LRRIQ1: variants seen among roughly 807,000 people sequenced by gnomAD.
LRRIQ1 encodes the protein leucine rich repeats and IQ motif containing 1, also known as leucine-rich repeat- and IQ domain-containing protein 1.
LRRIQ1 carries 210 observed loss-of-function variants against 211.9 expected under a neutral mutation model. That is an observed-to-expected ratio of 0.99 (90% CI 0.89 to 1.11). The LOEUF (loss-of-function observed/expected upper bound fraction) is 1.11, where lower values mean the gene tolerates loss of function less well. Among genes scored for constraint, LRRIQ1 ranks in the 50% most tolerant of loss-of-function variants. The pLI, the probability that LRRIQ1 is intolerant of heterozygous loss-of-function variation, is 0.00. For missense variants in LRRIQ1, 2,136 were observed against 1,939.5 expected (o/e 1.10, Z -1.90); for synonymous variants, 699 against 650.1 (o/e 1.08, Z -1.14).
intron 1 of LRRIQ1, among the ~76,000 whole-genome samples, chr12:85,252,051 TC>T (rs1029468172): frequency 2.6e-5 from 4 of 151,840 alleles, no homozygotes; most frequent in African/African-American, 9.7e-5. Flanking sequence ...GAGGGGAAAA[TC>T]TTAATATTTT....
chr12:85,164,802 A>G (rs2136760259), intron 24 of LRRIQ1, among the ~76,000 whole-genome samples: 1 of 152,306 alleles, frequency 6.6e-6, no homozygotes, highest in Non-Finnish European at 1.5e-5. Context: ...AGCTTGCAAA[A>G]TCAAAACAAA....
rs752822180 is a variant in LRRIQ1, at chr12:85,055,973, CTAA to C, written c.1187_1189del (p.Ile396del). The C allele has an allele frequency of 1.9e-6, 3 of 1,609,246 alleles. No homozygotes were observed. The highest frequency in any genetic ancestry group is 2.5e-6 in the Non-Finnish European group (3 of 1,177,612). On this transcript the variant is annotated inframe_deletion, in exon 8 of 27. Coordinates refer to ENST00000393217, the MANE Select transcript of LRRIQ1 (RefSeq NM_001079910.2). ...ATTAAGAGAAGATGCAAGCCAACAGCTAATAATAAGTAGTGCATTAAAGAAGAG... is the reference window on the plus strand; with the variant it reads ...ATTAAGAGAAGATGCAAGCCAACAGCTAATAAGTAGTGCATTAAAGAAGAG...
intron 15 of LRRIQ1, among the ~76,000 whole-genome samples, chr12:85,110,227 A>G (rs1243951353): frequency 6.6e-6 from 1 of 152,112 alleles, no homozygotes; most frequent in Non-Finnish European, 1.5e-5. Flanking sequence ...ATTATGAAGG[A>G]GATTTAATGT....
intron 24 of LRRIQ1, among the ~76,000 whole-genome samples, chr12:85,202,923 T>C (rs993240156): frequency 6.6e-6 from 1 of 152,144 alleles, no homozygotes; most frequent in African/African-American, 2.4e-5. Flanking sequence ...CCAGTAATGG[T>C]TTTTCCTTTC....
Position 85,212,942 on chromosome 12 carries a change from T to TA in LRRIQ1, c.4823-16565dup, listed in dbSNP as rs1029932604. On this transcript the variant is annotated intron_variant, in intron 24 of 26. Transcript: ENST00000393217. The stretch of plus-strand genomic sequence containing the variant: ...TCTATCGAATATGGAGTCAAGAAAG[T>TA]AAAAAAAAAATAACACAGTACAGAT... Among the ~76,000 whole-genome samples, 220 of 143,212 alleles carry TA rather than the reference T, an allele frequency of 1.5e-3. 1 individual carries two copies. The highest frequency in any genetic ancestry group is 1.3e-3 in the Admixed American group (18 of 14,334). 94.0% of individuals were successfully genotyped at this position (143,212 alleles called of 152,430 possible).
chr12:85,145,999 C>T (rs1889870450), intron 19 of LRRIQ1, among the ~76,000 whole-genome samples: 1 of 151,736 alleles, frequency 6.6e-6, no homozygotes, highest in South Asian at 2.1e-4. Flanking sequence ...CTGACAGGGG[C>T]TGGGACAAAA....
intron 19 of LRRIQ1, among the ~76,000 whole-genome samples, chr12:85,150,952 A>C (rs2136658733): frequency 1.3e-5 from 2 of 151,650 alleles, no homozygotes; most frequent in East Asian, 1.9e-4. Context: ...CACATAGTTA[A>C]CATTTTTTTT....
chr12:85,270,566 G>A, the LRRIQ1 span, among the ~76,000 whole-genome samples: 1 of 151,970 alleles, frequency 6.6e-6, no homozygotes, highest in Non-Finnish European at 1.5e-5. Context: ...GTAAATAGTT[G>A]AATCTGTTTC....
At chr12:85,183,450 C>G (rs1437920112) in intron 24 of LRRIQ1, among the ~76,000 whole-genome samples, 1 of 152,070 alleles carries the variant, frequency 6.6e-6, no homozygotes, top group African/African-American at 2.4e-5. Flanking sequence ...CTTATGCCAA[C>G]TAGCTCAACT....
intron 24 of LRRIQ1, among the ~76,000 whole-genome samples, chr12:85,180,439 A>C (rs1199178254): frequency 6.6e-6 from 1 of 151,934 alleles, no homozygotes; most frequent in Non-Finnish European, 1.5e-5. Context: ...CTAAAGCTTC[A>C]ATACCTTCTG....
At chr12:85,074,286 G>A (rs1883400284) in intron 11 of LRRIQ1, among the ~76,000 whole-genome samples, 1 of 151,690 alleles carries the variant, frequency 6.6e-6, no homozygotes, top group African/African-American at 2.4e-5. Flanking sequence ...ATTCATACCA[G>A]TTTTATTTTA....
intron 26 of LRRIQ1, among the ~76,000 whole-genome samples, chr12:85,236,738 A>T (rs778334695): frequency 6.7e-6 from 1 of 150,350 alleles, no homozygotes. Flanking sequence ...TTTTGGATAC[A>T]TATATATATT....
chr12:85,094,282 T>C (rs1885669028), intron 11 of LRRIQ1, among the ~76,000 whole-genome samples: 1 of 152,172 alleles, frequency 6.6e-6, no homozygotes, highest in African/African-American at 2.4e-5. Flanking sequence ...GAAAGCAAGC[T>C]CAGGGCTCCC....
intron 24 of LRRIQ1, among the ~76,000 whole-genome samples, chr12:85,209,061 A>G (rs1893706280): frequency 6.6e-6 from 1 of 152,192 alleles, no homozygotes; most frequent in Non-Finnish European, 1.5e-5. Context: ...CCAGTCTAAG[A>G]TTTAGAAAAA....
intron 3 of LRRIQ1, among the ~76,000 whole-genome samples, chr12:85,044,411 G>C (rs1406511956): frequency 1.3e-5 from 2 of 151,960 alleles, no homozygotes; most frequent in Non-Finnish European, 2.9e-5. Context: ...TTCTAATCAA[G>C]ATGCCGTTGC....
chr12:85,129,177 A>G (rs1323696221), intron 18 of LRRIQ1, among the ~76,000 whole-genome samples: 1 of 152,190 alleles, frequency 6.6e-6, no homozygotes, highest in Non-Finnish European at 1.5e-5. Flanking sequence ...GATCACACTC[A>G]TTTTTAAAAA....
At chr12:85,238,121 T>G (rs1342195941) in intron 26 of LRRIQ1, among the ~76,000 whole-genome samples, 1 of 151,302 alleles carries the variant, frequency 6.6e-6, no homozygotes, top group Non-Finnish European at 1.5e-5. Context: ...CTATTTCACC[T>G]TAATTGAAAA....
chr12:85,258,331 T>C (rs1205647270), intron 1 of LRRIQ1, among the ~76,000 whole-genome samples: 1 of 151,888 alleles, frequency 6.6e-6, no homozygotes, highest in Non-Finnish European at 1.5e-5. Flanking sequence ...AAATGTGTCA[T>C]GGTTCAATTG....
At chr12:85,211,936 G>A (rs1416223424) in intron 24 of LRRIQ1, among the ~76,000 whole-genome samples, 2 of 152,030 alleles carry the variant, frequency 1.3e-5, no homozygotes, top group Non-Finnish European at 2.9e-5. Flanking sequence ...TTCAGAAAAG[G>A]TGCTCTAAGT....
Sources: allele counts gnomAD v4.1 joint callset (sites outside exome capture counted in the v4.1 genomes callset), GRCh38; gene constraint gnomAD v4.1.1; transcripts MANE v1.5; gene names NCBI Gene and HGNC (gene_info 2026-07-23, HGNC 2026-07-21).